The following GALNT14 variants were observed in gnomAD, a reference collection of about 807,000 sequenced individuals.
The protein encoded by GALNT14 is UDP-GalNAc:polypeptide N-acetylgalactosaminyltransferase 14.
In GALNT14, 60 loss-of-function variants were observed where a neutral mutation model predicts 77.5. The observed-to-expected ratio is 0.77, with a 90% CI of 0.63 to 0.96. GALNT14 has a LOEUF of 0.96. Among genes scored for constraint, GALNT14 ranks in the 40% least tolerant of loss-of-function variants. GALNT14 has a pLI of 0.00. For missense variants in GALNT14, 710 were observed against 731.0 expected, an observed-to-expected ratio of 0.97 and a Z score of 0.33; for synonymous variants, 280 against 281.7, an observed-to-expected ratio of 0.99 and a Z score of 0.06.
chr2:31,052,932 G>C (rs1673975393), intron 1 of GALNT14, among the ~76,000 whole-genome samples: 1 of 152,196 alleles, frequency 6.6e-6, no homozygotes, highest in Non-Finnish European at 1.5e-5. Context: ...TTCAAAAGGA[G>C]GAGAGCCGTG....
intron 1 of GALNT14, among the ~76,000 whole-genome samples, chr2:31,076,988 T>C (rs1208769652): frequency 6.6e-6 from 1 of 152,200 alleles, no homozygotes; most frequent in Non-Finnish European, 1.5e-5. Context: ...ACAGCACTGA[T>C]TGTAGATGTG....
chr2:30,971,924 T>C (rs1174589083), intron 2 of GALNT14, among the ~76,000 whole-genome samples: 2 of 152,214 alleles, frequency 1.3e-5, no homozygotes, highest in East Asian at 3.9e-4. Context: ...GTGATGATGA[T>C]CACTGTCACC....
chr2:30,926,670 C>T (rs1376378095), intron 11 of GALNT14, among the ~76,000 whole-genome samples: 1 of 151,404 alleles, frequency 6.6e-6, no homozygotes, highest in Non-Finnish European at 1.5e-5. Context: ...TGGGACCAAG[C>T]AAGCAGTGCC....
chr2:30,930,543 C>T (rs541368485), intron 10 of GALNT14, among the ~76,000 whole-genome samples: 1 of 152,154 alleles, frequency 6.6e-6, no homozygotes, highest in Non-Finnish European at 1.5e-5. Flanking sequence ...CAGAAAGAGC[C>T]CCAGAAAAGA....
At chr2:31,002,122 T>G (rs4952023) in intron 1 of GALNT14, among the ~76,000 whole-genome samples, 44,265 of 151,966 alleles carry the variant, frequency 0.29, 6,714 homozygotes, top group East Asian at 0.37. Context: ...AGGGGCTTCT[T>G]CAAATCATAT....
chr2:31,064,150 C>T lies in GALNT14; in HGVS notation c.130-71143G>A, dbSNP rs535985615. 1.4e-3 allele frequency among the ~76,000 whole-genome samples: 206 copies of T among 152,268 alleles called. 1 individual carries two copies. The highest frequency in any genetic ancestry group is 4.8e-3 in the African/African-American group (198 of 41,550). On this transcript the variant is annotated intron_variant, in intron 1 of 14. Transcript: ENST00000349752. ...TTGGCTCTCTCTCCCAGACAAGCTGCTGCAAATGCTTGATTTGAGTAGGGA... is the reference window on the plus strand; with the variant it reads ...TTGGCTCTCTCTCCCAGACAAGCTGTTGCAAATGCTTGATTTGAGTAGGGA...
Position 30,910,787 on chromosome 2 carries a change from C to T in GALNT14, c.*114G>A. 1.7e-6 allele frequency: 2 copies of T among 1,185,210 alleles called. No individual in the cohort carries two copies. The highest frequency in any genetic ancestry group is 2.4e-6 in the Non-Finnish European group (2 of 845,748). The allele number at this position is 1,185,210 out of a possible 1,614,324, so 73.4% of individuals were successfully genotyped here. ...CCTGTCCTGGGGGGCTCTGCCTCCA[C>T]CTCCCAGTCCAGGATGTCTGAGGTG... On this transcript the variant is annotated 3_prime_UTR_variant, in exon 15 of 15. Transcript: ENST00000349752.
chr2:30,970,503 T>G (rs1488137490), intron 2 of GALNT14, among the ~76,000 whole-genome samples: 1 of 151,588 alleles, frequency 6.6e-6, no homozygotes, highest in African/African-American at 2.4e-5. Context: ...GCCCAGAGAG[T>G]GGGTGAGCCG....
At chr2:31,051,893 A>G (rs942025950) in intron 1 of GALNT14, among the ~76,000 whole-genome samples, 2 of 152,146 alleles carry the variant, frequency 1.3e-5, no homozygotes, top group African/African-American at 4.8e-5. Flanking sequence ...TTTCGGAAAT[A>G]GCTTGGTGGA....
intron 1 of GALNT14, among the ~76,000 whole-genome samples, chr2:31,019,836 G>C (rs952071357): frequency 6.6e-6 from 1 of 152,164 alleles, no homozygotes; most frequent in Non-Finnish European, 1.5e-5. Context: ...GGGTCATTGC[G>C]GGAATTAAGT....
chr2:30,911,073 G>C lies in GALNT14; in HGVS notation c.1501-14C>G, dbSNP rs2278079. The C allele has an allele frequency of 0.23, 375,432 of 1,609,622 alleles. 45,074 individuals are homozygous for C. The highest frequency in any genetic ancestry group is 0.24 in the Non-Finnish European group (283,353 of 1,176,600). ...TTTGGTCCATTGCTGGTAAGACAAA[G>C]AAGAGAGTGAATGAACTAGGTGCCA... On this transcript the variant is annotated splice_polypyrimidine_tract_variant and intron_variant, in intron 14 of 14. Coordinates refer to ENST00000349752, the MANE Select transcript of GALNT14 (RefSeq NM_024572.4).
chr2:30,935,017 C>G (rs187404643), intron 9 of GALNT14, among the ~76,000 whole-genome samples: 1 of 152,334 alleles, frequency 6.6e-6, no homozygotes, highest in Admixed American at 6.5e-5. Context: ...TTTCTTATGT[C>G]TGTTGCCTTA....
intron 7 of GALNT14, among the ~76,000 whole-genome samples, chr2:30,945,217 G>A (rs989326107): frequency 4.6e-5 from 7 of 152,232 alleles, no homozygotes; most frequent in African/African-American, 1.4e-4. Context: ...AAAGCCTAGG[G>A]GTAGGGGCCG....
chr2:30,908,613 C>A (rs1472259287), downstream of GALNT14, among the ~76,000 whole-genome samples: 77 of 108,804 alleles, frequency 7.1e-4, no homozygotes, highest in Middle Eastern at 4.0e-3. Context: ...GAATCAATAT[C>A]ATGAAAATGG....
intron 1 of GALNT14, among the ~76,000 whole-genome samples, chr2:31,043,213 A>G (rs941841623): frequency 2.6e-5 from 4 of 152,074 alleles, no homozygotes; most frequent in East Asian, 1.9e-4. Flanking sequence ...TAAGTGCTCA[A>G]ATCTCACTTT....
intron 2 of GALNT14, among the ~76,000 whole-genome samples, chr2:30,973,561 T>G (rs189726613): frequency 1.1e-3 from 163 of 152,294 alleles, no homozygotes; most frequent in African/African-American, 3.7e-3. Context: ...AGGAAAAATA[T>G]AAAATGCCGA....
Position 30,924,810 on chromosome 2 carries a change from A to G in GALNT14, c.1165T>C (p.Leu389=). ...CAGCGCAGATTCTTCCTCAGGTCCA[A>G]TCTGCTCTCAACACTGGGGGCAACG... The part of the protein sequence containing the change: ...ERPFGNVESR[L]DLRKNLRCQS... Residue 389 remains leucine (L), a synonymous_variant, in exon 12 of 15, where the codon TTG becomes CTG. Transcript: ENST00000349752. 6.2e-7 allele frequency: 1 copy of G among 1,613,860 alleles called. No individual in the cohort carries two copies. Among genetic ancestry groups the G allele is most frequent in the Non-Finnish European group, 8.5e-7 (1 of 1,179,972 alleles).
rs1270542517 is a variant in GALNT14 at position 30,932,137 on chromosome 2, C to CGGCT, written c.985_988dup (p.Arg330GlnfsTer17). 39 of 1,571,726 alleles carry CGGCT rather than the reference C, an allele frequency of 2.5e-5. No individual in the cohort carries two copies. Among genetic ancestry groups the CGGCT allele is most frequent in the Non-Finnish European group, 3.2e-5 (37 of 1,158,726 alleles). On this transcript the variant is annotated frameshift_variant, in exon 10 of 15. Coordinates refer to ENST00000349752, the MANE Select transcript of GALNT14 (RefSeq NM_024572.4). LOFTEE classifies it high-confidence loss of function. Reference sequence around the variant, plus strand: ...CTTCTTCCGGAAGACGTGCCCCACTCGGCTGCAGGGGACGATCTCTAGGCT... The same window carrying CGGCT: ...CTTCTTCCGGAAGACGTGCCCCACTCGGCTGGCTGCAGGGGACGATCTCTAGGCT...
chr2:31,037,094 G>A (rs1314495649), intron 1 of GALNT14, among the ~76,000 whole-genome samples: 1 of 151,976 alleles, frequency 6.6e-6, no homozygotes, highest in Non-Finnish European at 1.5e-5. Flanking sequence ...TTTCCTTCTG[G>A]CATGCTTATT....
Sources: allele counts gnomAD v4.1 joint callset (sites outside exome capture counted in the v4.1 genomes callset), GRCh38; gene constraint gnomAD v4.1.1; transcripts MANE v1.5; gene names NCBI Gene and HGNC (gene_info 2026-07-23, HGNC 2026-07-21).